The following SAMMSON variants were observed in gnomAD, a reference collection of about 807,000 sequenced individuals.
SAMMSON encodes the protein long intergenic non-protein coding RNA 1212.
intron 4 of SAMMSON, among the ~76,000 whole-genome samples, chr3:70,241,189 G>T (rs1369724920): frequency 6.6e-6 from 1 of 152,090 alleles, no homozygotes; most frequent in East Asian, 1.9e-4. Flanking sequence ...AGAATTGCTA[G>T]AACGGTTCCT....
At chr3:70,064,799 A>G (rs972324032) in intron 3 of SAMMSON, among the ~76,000 whole-genome samples, 3 of 152,046 alleles carry the variant, frequency 2.0e-5, no homozygotes, top group South Asian at 2.1e-4. Context: ...CTTCAAGTCA[A>G]TATGTCTTAC....
intron 4 of SAMMSON, chr3:70,096,132 C>T (rs539085359): frequency 5.3e-5 from 8 of 152,358 alleles, no homozygotes; most frequent in South Asian, 2.1e-4. Flanking sequence ...ATTTAGTTCC[C>T]TGTGGGTCAT....
intron 4 of SAMMSON, among the ~76,000 whole-genome samples, chr3:70,182,093 G>A (rs904159080): frequency 6.6e-6 from 1 of 152,102 alleles, no homozygotes; most frequent in African/African-American, 2.4e-5. Context: ...ATGGGCTGGA[G>A]GTCCTCATTT....
rs9869301 is a variant in SAMMSON at position 70,416,331 on chromosome 3, A to G, written n.234-46229A>G. ...TTCCTTTTAAACTGTATGTGAATTT[A>G]ATTTATATGCCAATGATGTTTAATG... is the stretch of plus-strand genomic sequence containing the variant. On this transcript the variant is annotated intron_variant and non_coding_transcript_variant, in intron 2 of 3. Transcript: ENST00000641053. Among the ~76,000 whole-genome samples the G allele has an allele frequency of 5.1e-3, 781 of 152,282 alleles. 7 individuals carry two copies. Among genetic ancestry groups the G allele is most frequent in the African/African-American group, 0.018 (751 of 41,552 alleles).
intron 4 of SAMMSON, among the ~76,000 whole-genome samples, chr3:70,174,406 A>G (rs1700994034): frequency 6.6e-6 from 1 of 152,006 alleles, no homozygotes; most frequent in African/African-American, 2.4e-5. Flanking sequence ...AAGCAGTTGT[A>G]TCTAAAATCC....
At chr3:70,187,699 G>A (rs536788150) in intron 4 of SAMMSON, among the ~76,000 whole-genome samples, 15 of 151,886 alleles carry the variant, frequency 9.9e-5, no homozygotes, top group Admixed American at 3.3e-4. Flanking sequence ...GCCTCCCAAA[G>A]TGCTGGGATT....
At chr3:70,313,319 T>C (rs1368416360) in intron 7 of SAMMSON, among the ~76,000 whole-genome samples, 1 of 151,992 alleles carries the variant, frequency 6.6e-6, no homozygotes, top group African/African-American at 2.4e-5. Context: ...ATTTAAATTT[T>C]TTTTTTAAAA....
chr3:70,378,433 C>G (rs189255537), intron 9 of SAMMSON, among the ~76,000 whole-genome samples: 1 of 151,894 alleles, frequency 6.6e-6, no homozygotes, highest in Non-Finnish European at 1.5e-5. Flanking sequence ...GGAATTTACA[C>G]TTATCAATTA....
intron 4 of SAMMSON, among the ~76,000 whole-genome samples, chr3:70,145,081 T>A (rs932876111): frequency 7.2e-5 from 11 of 152,224 alleles, no homozygotes; most frequent in African/African-American, 2.6e-4. Context: ...TCCCTTCTTC[T>A]TCATTCTTAC....
chr3:70,279,153 C>A (rs1299086529), intron 6 of SAMMSON, among the ~76,000 whole-genome samples: 1 of 150,812 alleles, frequency 6.6e-6, no homozygotes, highest in Non-Finnish European at 1.5e-5. Flanking sequence ...ATCATGACAA[C>A]AATAAGTGCC....
At chr3:70,008,585 C>A (rs1468727582) in intron 1 of SAMMSON, among the ~76,000 whole-genome samples, 1 of 152,168 alleles carries the variant, frequency 6.6e-6, no homozygotes, top group Non-Finnish European at 1.5e-5. Context: ...CATCTGCAAA[C>A]AGGGACAATT....
intron 4 of SAMMSON, among the ~76,000 whole-genome samples, chr3:70,144,811 T>C (rs1456675635): frequency 6.6e-6 from 1 of 152,168 alleles, no homozygotes; most frequent in Non-Finnish European, 1.5e-5. Flanking sequence ...CCATGTAAGA[T>C]GTGACTTGCT....
intron 4 of SAMMSON, among the ~76,000 whole-genome samples, chr3:70,076,744 T>G (rs562462010): frequency 6.6e-6 from 1 of 152,282 alleles, no homozygotes; most frequent in South Asian, 2.1e-4. Context: ...AAGCTCTAAT[T>G]TATCAGCATG....
chr3:70,363,592 C>CTATGTATG (rs2106741388), intron 9 of SAMMSON, among the ~76,000 whole-genome samples: 2 of 152,048 alleles, frequency 1.3e-5, no homozygotes, highest in East Asian at 3.9e-4. Context: ...TAGAAGAGGA[C>CTATGTATG]TATGTATGTG....
At chr3:70,038,614 A>G (rs555136385) in intron 3 of SAMMSON, among the ~76,000 whole-genome samples, 4 of 152,288 alleles carry the variant, frequency 2.6e-5, no homozygotes, top group South Asian at 2.1e-4. Context: ...ACAGCATCAG[A>G]ATGAAGGTTG....
intron 7 of SAMMSON, among the ~76,000 whole-genome samples, chr3:70,351,270 A>G (rs1044107418): frequency 3.9e-5 from 6 of 152,180 alleles, no homozygotes; most frequent in Non-Finnish European, 8.8e-5. Flanking sequence ...AGGGATAAGG[A>G]AAACCTCCAA....
chr3:70,331,035 C>T (rs911394367), intron 7 of SAMMSON, among the ~76,000 whole-genome samples: 1 of 152,156 alleles, frequency 6.6e-6, no homozygotes, highest in Non-Finnish European at 1.5e-5. Flanking sequence ...TGCATAAAAA[C>T]CCTGTGGTGA....
chr3:70,191,239 C>T (rs1031227282), intron 4 of SAMMSON, among the ~76,000 whole-genome samples: 1 of 152,138 alleles, frequency 6.6e-6, no homozygotes, highest in Non-Finnish European at 1.5e-5. Flanking sequence ...ATTCTAAGTA[C>T]ATTTGAGGAA....
At chr3:70,314,707 A>G (rs914907284) in intron 7 of SAMMSON, among the ~76,000 whole-genome samples, 2 of 152,144 alleles carry the variant, frequency 1.3e-5, no homozygotes, top group South Asian at 4.1e-4. Context: ...ATGATTATCA[A>G]TATTGTTCCT....
Sources: gnomAD v4.1 joint callset for allele counts (sites outside exome capture counted in the v4.1 genomes callset) on GRCh38, gnomAD v4.1.1 for gene constraint, MANE v1.5 for transcripts, NCBI Gene and HGNC (gene_info 2026-07-23, HGNC 2026-07-21) for gene names.